The following MTF1 variants were observed in gnomAD, a reference collection of about 807,000 sequenced individuals.
MTF1 encodes metal regulatory transcription factor 1, also known as MRE-binding transcription factor.
A neutral mutation model predicts 70.4 loss-of-function variants in MTF1; 22 were observed. The observed-to-expected ratio is 0.31, with a 90% CI of 0.22 to 0.45. The LOEUF (loss-of-function observed/expected upper bound fraction) is 0.45. Ranked by LOEUF, MTF1 falls within the 20% of genes least tolerant of loss-of-function variation. The pLI is 1.00. For missense variants in MTF1, 649 were observed against 922.0 expected, an observed-to-expected ratio of 0.70 and a Z score of 3.83; for synonymous variants, 333 against 352.8, an observed-to-expected ratio of 0.94 and a Z score of 0.63.
intron 2 of MTF1, among the ~76,000 whole-genome samples, chr1:37,850,367 G>A (rs952134854): frequency 4.6e-5 from 7 of 152,096 alleles, no homozygotes; most frequent in Non-Finnish European, 8.8e-5. Flanking sequence ...GGAGGTCGAG[G>A]CAGGAGGATT....
intron 3 of MTF1, 38 bp from the exon 4 acceptor site, chr1:37,838,794 A>ATTTTTTTTTT (rs1283910138): frequency 2.6e-5 from 13 of 502,516 alleles, no homozygotes; most frequent in South Asian, 6.2e-5. Flanking sequence ...TTGTCATAAA[A>ATTTTTTTTTT]TTCTTTTTTT....
chr1:37,831,072 A>G (rs979637324), intron 7 of MTF1, among the ~76,000 whole-genome samples: 2 of 152,184 alleles, frequency 1.3e-5, no homozygotes, highest in African/African-American at 2.4e-5. Flanking sequence ...TTGCAAGCCT[A>G]CCCAGTGCCT....
intron 10 of MTF1, 103 bp downstream of exon 10, chr1:37,817,316 A>C (rs564729512): frequency 2.6e-6 from 2 of 759,662 alleles, no homozygotes; most frequent in African/African-American, 3.5e-5. Flanking sequence ...GAGGCTGTTT[A>C]AAGATTTTTA....
intron 8 of MTF1, 124 bp downstream of exon 8, chr1:37,823,586 C>A (rs1442872291): frequency 4.7e-6 from 3 of 640,256 alleles, no homozygotes; most frequent in Non-Finnish European, 8.0e-6. Flanking sequence ...CTGAAAGACC[C>A]AAACTTTCTG....
At chr1:37,827,423 T>C (rs1641019660) in intron 7 of MTF1, among the ~76,000 whole-genome samples, 4 of 151,826 alleles carry the variant, frequency 2.6e-5, no homozygotes, top group Admixed American at 2.6e-4. Flanking sequence ...AGTGACATGA[T>C]CTTGACTCAC....
chr1:37,848,111 A>G (rs569573592), intron 2 of MTF1, among the ~76,000 whole-genome samples: 16 of 152,220 alleles, frequency 1.1e-4, no homozygotes, highest in Non-Finnish European at 2.4e-4. Flanking sequence ...GCTTGTCTCA[A>G]GGAGAAAACA....
At chr1:37,855,774 T>A (rs1020745554) in intron 2 of MTF1, among the ~76,000 whole-genome samples, 1 of 152,128 alleles carries the variant, frequency 6.6e-6, no homozygotes, top group Admixed American at 6.5e-5. Flanking sequence ...CTGGCTAACA[T>A]GGTGAAACCT....
At chr1:37,853,556 A>T (rs1253872596) in intron 2 of MTF1, among the ~76,000 whole-genome samples, 2 of 152,052 alleles carry the variant, frequency 1.3e-5, no homozygotes, top group Non-Finnish European at 2.9e-5. Context: ...AAGCAGAAAA[A>T]AGTGTGCTGA....
At chr1:37,858,478 T>TC (rs926209853) in intron 1 of MTF1, 4 of 152,044 alleles carry the variant, frequency 2.6e-5, no homozygotes, top group African/African-American at 4.8e-5. Context: ...ATGAATTCCT[T>TC]CCCCCCTACC....
At position 37,822,683 on chromosome 1, in the gene MTF1, T is replaced by G; in HGVS notation, c.1205A>C (p.Glu402Ala). 1 of 1,613,008 alleles carries G rather than the reference T, an allele frequency of 6.2e-7. No homozygotes were observed. Among genetic ancestry groups the G allele is most frequent in the Non-Finnish European group, 8.5e-7 (1 of 1,179,636 alleles). ...SLTESFNGDA[E>A]SVSDVPPSTG... is the part of the protein sequence containing the mutation. ...GGATGGCGGAACATCACTGACTGAC[T>G]CTGCATCACCATTAAAACTTTCAGT... Residue 402 changes from glutamate to alanine, a missense_variant, in exon 9 of 11, where the codon GAG becomes GCG. Transcript: ENST00000373036.
rs1232576806 is a variant in MTF1 at position 37,814,479 on chromosome 1, C to G, written c.*657G>C. 1.3e-5 allele frequency: 2 copies of G among 153,154 alleles called. No individual in the cohort carries two copies. The highest frequency in any genetic ancestry group is 1.5e-5 in the Non-Finnish European group (1 of 68,838). 9.5% of individuals were successfully genotyped at this position (153,154 alleles called of 1,614,324 possible). ...GCCTAGGGCCTCTGCAGAGCCAGATCAACCCCACAGCCTGTGAGCCAGGCC... is the reference window on the plus strand; with the variant it reads ...GCCTAGGGCCTCTGCAGAGCCAGATGAACCCCACAGCCTGTGAGCCAGGCC... On this transcript the variant is annotated 3_prime_UTR_variant, in exon 11 of 11. Coordinates refer to ENST00000373036, the MANE Select transcript of MTF1 (RefSeq NM_005955.3).
chr1:37,844,366 C>T (rs1569877113), intron 2 of MTF1, among the ~76,000 whole-genome samples: 2 of 152,190 alleles, frequency 1.3e-5, no homozygotes, highest in Admixed American at 6.5e-5. Flanking sequence ...TCCTTTAACG[C>T]GAGCCTCAGG....
chr1:37,839,791 G>T, intron 3 of MTF1, 129 bp downstream of exon 3: 14 of 695,222 alleles, frequency 2.0e-5, no homozygotes, highest in South Asian at 6.0e-5. Flanking sequence ...TGAATTTTAC[G>T]TAGTTGAACA....
At chr1:37,856,263 C>T (rs1190758243) in intron 2 of MTF1, among the ~76,000 whole-genome samples, 100 of 148,400 alleles carry the variant, frequency 6.7e-4, no homozygotes, top group Middle Eastern at 7.0e-3. Flanking sequence ...CTGCCACCTC[C>T]ACCTCCCAGA....
Position 37,815,706 on chromosome 1 carries a change from T to C in MTF1, c.1832-140A>G. On this transcript the variant is annotated intron_variant, in intron 10 of 10. Transcript: ENST00000373036. The surrounding 1 kb of genome is among the most constrained non-coding windows in gnomAD (Gnocchi z 4.5). Reference sequence around the variant, plus strand: ...GGTTGCCACACTTCGGGCTTCGTTCTGCTTTAAATTGGACCACATGCCCTC... The same window carrying C: ...GGTTGCCACACTTCGGGCTTCGTTCCGCTTTAAATTGGACCACATGCCCTC... 1 of 602,938 alleles carries C rather than the reference T, an allele frequency of 1.7e-6. No homozygotes were observed. The highest frequency in any genetic ancestry group is 2.9e-5 in the South Asian group (1 of 34,700). The allele number at this position is 602,938 out of a possible 1,614,324, so 37.3% of individuals were successfully genotyped here.
At chr1:37,835,030 CT>C (rs1641144590) in intron 6 of MTF1, 48 bp downstream of exon 6, 1 of 1,593,070 alleles carries the variant, frequency 6.3e-7, no homozygotes, top group South Asian at 1.1e-5. Context: ...ACACAAACAA[CT>C]GTTGAAGTTC....
chr1:37,842,323 T>G (rs1641267483), intron 2 of MTF1, among the ~76,000 whole-genome samples: 1 of 152,122 alleles, frequency 6.6e-6, no homozygotes, highest in Non-Finnish European at 1.5e-5. Flanking sequence ...AAAAAGAATT[T>G]TTAAAAATTT....
In MTF1 at chr1:37,836,942, G is replaced by GC. The variant is rs1557593477; in HGVS notation, c.780-1199_780-1198insG. On this transcript the variant is annotated intron_variant, in intron 4 of 10. Transcript: ENST00000373036. ...GTCCTCTCAGCAGCCTACGGGAAGG[G>GC]GGGCGGCGGGGAATAACCTAAGCTT... is the stretch of plus-strand genomic sequence containing the variant. Among the ~76,000 whole-genome samples the GC allele has an allele frequency of 2.2e-5, 3 of 135,436 alleles. No individual in the cohort carries two copies. In the East Asian group the frequency reaches 6.4e-4, roughly 29 times the overall value. The allele number at this position is 135,436 out of a possible 152,430, so 88.9% of individuals were successfully genotyped here. A position where few individuals can be genotyped will look rare whatever the true frequency, so the allele number is the denominator to read the frequency against.
chr1:37,813,557 T>C lies in MTF1; in HGVS notation c.*1579A>G, dbSNP rs1464341782. 1 of 152,222 alleles carries C rather than the reference T, an allele frequency of 6.6e-6. No homozygotes were observed. Among genetic ancestry groups the C allele is most frequent in the African/African-American group, 2.4e-5 (1 of 41,446 alleles). The allele number at this position is 152,222 out of a possible 1,614,324, so 9.4% of individuals were successfully genotyped here. ...ATCCCTTTACATTAGGGAATGAAAATGCAAGGCAAAATTATGGCTGCTTCC... is the reference window on the plus strand; with the variant it reads ...ATCCCTTTACATTAGGGAATGAAAACGCAAGGCAAAATTATGGCTGCTTCC... On this transcript the variant is annotated 3_prime_UTR_variant, in exon 11 of 11. Coordinates refer to ENST00000373036, the MANE Select transcript of MTF1 (RefSeq NM_005955.3).
Sources: gnomAD v4.1 joint callset for allele counts (sites outside exome capture counted in the v4.1 genomes callset) on GRCh38, gnomAD v4.1.1 for gene constraint, Gnocchi (gnomAD v3.1) non-coding constraint, MANE v1.5 for transcripts, NCBI Gene and HGNC (gene_info 2026-07-23, HGNC 2026-07-21) for gene names.